The following LOC400499 variants were observed in gnomAD, a reference collection of about 807,000 sequenced individuals.
chr16:11,462,082 A>G, the LOC400499 span: 1 of 1,425,906 alleles, frequency 7.0e-7, no homozygotes, highest in South Asian at 1.5e-5. Context: ...ACCTGGCCAC[A>G]GAGCAGAGGG....
the LOC400499 span, among the ~76,000 whole-genome samples, chr16:11,433,224 A>G: frequency 2.0e-5 from 3 of 152,186 alleles, no homozygotes; most frequent in Non-Finnish European, 2.9e-5. Context: ...CTGACCTACA[A>G]CAAGGTGCAT....
the LOC400499 span, among the ~76,000 whole-genome samples, chr16:11,477,501 G>A: frequency 4.6e-5 from 7 of 152,346 alleles, no homozygotes; most frequent in Middle Eastern, 3.4e-3. Context: ...TCGGGAGGGC[G>A]TCACACGAGT....
the LOC400499 span, chr16:11,399,447 C>G: frequency 2.5e-6 from 1 of 403,390 alleles, no homozygotes; most frequent in South Asian, 1.3e-4. Flanking sequence ...GGTTCCCTGC[C>G]CAGACGCTGC....
At chr16:11,423,962 G>A in the LOC400499 span, 3 of 397,794 alleles carry the variant, frequency 7.5e-6, no homozygotes, top group East Asian at 7.1e-5. Flanking sequence ...CCTCTCCAGG[G>A]CTGCGCGGAG....
At chr16:11,423,302 CCA>C in the LOC400499 span, 637 of 399,136 alleles carry the variant, frequency 1.6e-3, 1 homozygote, top group African/African-American at 0.012. Context: ...TTCCCTGACC[CCA>C]GAGTGAACCG....
chr16:11,375,547 A>T, the LOC400499 span, among the ~76,000 whole-genome samples: 2 of 148,914 alleles, frequency 1.3e-5, no homozygotes, highest in Non-Finnish European at 3.0e-5. Flanking sequence ...TCCTGACCTC[A>T]AGTGATCCGC....
At chr16:11,432,685 T>A in the LOC400499 span, among the ~76,000 whole-genome samples, 1 of 152,186 alleles carries the variant, frequency 6.6e-6, no homozygotes, top group East Asian at 1.9e-4. Flanking sequence ...CACAGTGAGT[T>A]CCTACATGAC....
At chr16:11,448,117 C>A in the LOC400499 span, 1 of 1,515,250 alleles carries the variant, frequency 6.6e-7, no homozygotes, top group Non-Finnish European at 8.8e-7. Flanking sequence ...GCCAGCAGGA[C>A]CAAGCTGCAG....
the LOC400499 span, among the ~76,000 whole-genome samples, chr16:11,386,811 G>A: frequency 1.0e-3 from 158 of 152,360 alleles, 1 homozygote; most frequent in Admixed American, 2.5e-3. Context: ...CGGCGAGTCT[G>A]AAGTCAGTCA....
chr16:11,451,112 T>C, the LOC400499 span, among the ~76,000 whole-genome samples: 3 of 152,282 alleles, frequency 2.0e-5, no homozygotes, highest in Non-Finnish European at 4.4e-5. Flanking sequence ...GTGAGAGGTA[T>C]CCATGTCTAC....
At chr16:11,472,641 C>G in the LOC400499 span, 3 of 152,138 alleles carry the variant, frequency 2.0e-5, no homozygotes, top group African/African-American at 7.2e-5. Context: ...CTCAATGTTT[C>G]TTTTTCATTA....
the LOC400499 span, among the ~76,000 whole-genome samples, chr16:11,503,872 A>C: frequency 6.6e-6 from 1 of 151,782 alleles, no homozygotes; most frequent in Non-Finnish European, 1.5e-5. Context: ...AGCCTAAAAG[A>C]CTCTATTGCC....
chr16:11,510,310 G>T, the LOC400499 span, among the ~76,000 whole-genome samples: 1 of 151,758 alleles, frequency 6.6e-6, no homozygotes, highest in Non-Finnish European at 1.5e-5. Flanking sequence ...CCACACAGGT[G>T]CACACATTCA....
the LOC400499 span, among the ~76,000 whole-genome samples, chr16:11,508,408 C>G: frequency 6.6e-6 from 1 of 152,252 alleles, no homozygotes; most frequent in Non-Finnish European, 1.5e-5. Context: ...TCAGATGTTG[C>G]TAGGCCTGGG....
the LOC400499 span, chr16:11,487,253 C>T: frequency 2.5e-6 from 1 of 398,728 alleles, no homozygotes; most frequent in Non-Finnish European, 4.4e-6. Context: ...AGCAAGGCTC[C>T]CCTCTAACCT....
the LOC400499 span, chr16:11,494,587 C>T: frequency 5.0e-6 from 2 of 398,166 alleles, no homozygotes; most frequent in East Asian, 3.6e-5. Flanking sequence ...TGTCATCATC[C>T]GAGGGCTCCT....
At chr16:11,456,966 T>C in the LOC400499 span, 14 of 1,536,164 alleles carry the variant, frequency 9.1e-6, no homozygotes, top group South Asian at 3.6e-5. Flanking sequence ...GCTCTCCACA[T>C]AGGGCAGGCG....
chr16:11,457,642 T>C, the LOC400499 span, among the ~76,000 whole-genome samples: 1 of 140,792 alleles, frequency 7.1e-6, no homozygotes, highest in Non-Finnish European at 1.6e-5. Flanking sequence ...GCCCCAGAAA[T>C]AACACTTCCA....
chr16:11,451,371 G>C, the LOC400499 span, among the ~76,000 whole-genome samples: 6 of 152,198 alleles, frequency 3.9e-5, no homozygotes, highest in African/African-American at 7.2e-5. Flanking sequence ...CTTGAGTCTA[G>C]GAGTTTGAGT....
Sources: allele counts gnomAD v4.1 joint callset (sites outside exome capture counted in the v4.1 genomes callset), GRCh38; gene constraint gnomAD v4.1.1; transcripts MANE v1.5.